The following BAZ2B variants were observed in gnomAD, a reference collection of about 807,000 sequenced individuals.
BAZ2B encodes bromodomain adjacent to zinc finger domain protein 2B.
BAZ2B carries 91 observed loss-of-function variants against 246.0 expected under a neutral mutation model. The observed-to-expected ratio is 0.37, with a 90% CI of 0.31 to 0.44. The LOEUF (loss-of-function observed/expected upper bound fraction) is 0.44. BAZ2B is among the 20% of genes least tolerant of loss of function. BAZ2B has a pLI of 1.00. For synonymous variants in BAZ2B, 855 were observed against 860.0 expected (o/e 0.99, Z 0.10); for missense variants, 2,332 against 2,533.7 (o/e 0.92, Z 1.71).
the BAZ2B span, among the ~76,000 whole-genome samples, chr2:159,687,633 C>T: frequency 4.7e-4 from 71 of 152,288 alleles, no homozygotes; most frequent in African/African-American, 1.4e-3. Flanking sequence ...TATCTATTTG[C>T]GCATTTGTAT....
chr2:159,343,944 G>A (rs1448937948), intron 31 of BAZ2B, among the ~76,000 whole-genome samples: 2 of 150,746 alleles, frequency 1.3e-5, no homozygotes, highest in Admixed American at 6.6e-5. Context: ...CAGAATGGCG[G>A]GAACCCGGGA....
intron 2 of BAZ2B, among the ~76,000 whole-genome samples, chr2:159,534,757 C>T (rs1193397965): frequency 6.6e-6 from 1 of 152,088 alleles, no homozygotes; most frequent in Non-Finnish European, 1.5e-5. Flanking sequence ...CAGGCATGCA[C>T]CTCTGCACCC....
At chr2:159,536,278 A>G (rs2085979030) in intron 2 of BAZ2B, 1 of 152,098 alleles carries the variant, frequency 6.6e-6, no homozygotes, top group Admixed American at 6.5e-5. Flanking sequence ...GGGAGTGGAG[A>G]AAAAAACAAA....
At chr2:159,633,906 A>T in the BAZ2B span, among the ~76,000 whole-genome samples, 1 of 151,888 alleles carries the variant, frequency 6.6e-6, no homozygotes, top group Non-Finnish European at 1.5e-5. Context: ...CATCCAGCTG[A>T]TTTTTGTATA....
At chr2:159,442,483 T>C (rs972328295) in intron 6 of BAZ2B, among the ~76,000 whole-genome samples, 64 of 152,206 alleles carry the variant, frequency 4.2e-4, no homozygotes, top group African/African-American at 1.4e-3. Context: ...ATTTGATGTA[T>C]ACTTCCCCCT....
chr2:159,399,537 G>C (rs1415095166), intron 17 of BAZ2B, among the ~76,000 whole-genome samples: 1 of 151,814 alleles, frequency 6.6e-6, no homozygotes, highest in Non-Finnish European at 1.5e-5. Flanking sequence ...AATCTATTGA[G>C]ACCATGCTAT....
the BAZ2B span, among the ~76,000 whole-genome samples, chr2:159,625,414 G>A: frequency 6.6e-6 from 1 of 152,180 alleles, no homozygotes; most frequent in African/African-American, 2.4e-5. Flanking sequence ...AAAATGTTAA[G>A]GGCAGCCAGA....
In BAZ2B at chr2:159,433,137, A is replaced by G; in HGVS notation, c.1520T>C (p.Leu507Pro). 6.2e-7 allele frequency: 1 copy of G among 1,614,188 alleles called. No homozygotes were observed. The highest frequency in any genetic ancestry group is 8.5e-7 in the Non-Finnish European group (1 of 1,180,016). Residue 507 changes from leucine to proline, a missense_variant, in exon 9 of 37, where the codon CTA becomes CCA. Physicochemically the swap from Leu to Pro is moderately conservative, Grantham distance 98. Around this residue, in one of 9 missense-constraint regions of BAZ2B, gnomAD observed 651 missense variants for 650.9 expected, o/e 1.00. Transcript: ENST00000392783. ...VIQSVIQEAPLALTTKTKMQS... is the reference protein window; with the variant it reads ...VIQSVIQEAPPALTTKTKMQS... ...CATTTTAGTTTTGGTAGTAAGTGCT[A>G]GAGGAGCTTCTTGAATGACACTTTG...
chr2:159,628,238 T>C, the BAZ2B span, among the ~76,000 whole-genome samples: 2 of 152,214 alleles, frequency 1.3e-5, no homozygotes, highest in Non-Finnish European at 2.9e-5. Context: ...AAAATGGCCA[T>C]ACTGCCCAAA....
At chr2:159,599,302 T>C (rs1467429559) in intron 1 of BAZ2B, among the ~76,000 whole-genome samples, 1 of 152,158 alleles carries the variant, frequency 6.6e-6, no homozygotes, top group African/African-American at 2.4e-5. Context: ...GATCACTTTC[T>C]GGCAGGCCAC....
chr2:159,521,485 C>T (rs759518667), intron 2 of BAZ2B, among the ~76,000 whole-genome samples: 7 of 151,996 alleles, frequency 4.6e-5, no homozygotes, highest in Non-Finnish European at 1.0e-4. Flanking sequence ...GAAGAACAGA[C>T]ATTGCATAAC....
chr2:159,381,142 C>T (rs2149491059), intron 25 of BAZ2B, among the ~76,000 whole-genome samples: 1 of 152,182 alleles, frequency 6.6e-6, no homozygotes, highest in East Asian at 1.9e-4. Context: ...TTCACTAAAC[C>T]AATCCCCCTC....
At chr2:159,640,338 A>G in the BAZ2B span, among the ~76,000 whole-genome samples, 1 of 152,148 alleles carries the variant, frequency 6.6e-6, no homozygotes, top group Admixed American at 6.5e-5. Context: ...TCTGCTATAC[A>G]CAAAAAATGG....
chr2:159,400,580 T>C lies in BAZ2B; in HGVS notation c.2898+19A>G. 6.9e-7 allele frequency: 1 copy of C among 1,454,122 alleles called. No homozygotes were observed. The highest frequency in any genetic ancestry group is 9.5e-7 in the Non-Finnish European group (1 of 1,054,860). The allele number at this position is 1,454,122 out of a possible 1,614,324, so 90.1% of individuals were successfully genotyped here. A position where few individuals can be genotyped will look rare whatever the true frequency, so the allele number is the denominator to read the frequency against. On this transcript the variant is annotated intron_variant, in intron 17 of 36. Coordinates refer to ENST00000392783, the MANE Select transcript of BAZ2B (RefSeq NM_013450.4). Reference sequence around the variant, plus strand: ...ATATGGCTAAATTACTTTAATTATATTAAATTTAAGACTTCTACCTCTAGA... The same window carrying C: ...ATATGGCTAAATTACTTTAATTATACTAAATTTAAGACTTCTACCTCTAGA...
At chr2:159,650,937 C>T in the BAZ2B span, among the ~76,000 whole-genome samples, 57 of 152,280 alleles carry the variant, frequency 3.7e-4, no homozygotes, top group African/African-American at 1.2e-3. Flanking sequence ...TCACATATTC[C>T]TATTATTTCA....
At chr2:159,382,536 A>G (rs1343512715) in intron 25 of BAZ2B, 23 bp downstream of exon 25, 1 of 1,544,098 alleles carries the variant, frequency 6.5e-7, no homozygotes, top group East Asian at 2.4e-5. Context: ...TAGTTGTCTT[A>G]AAATCAACCT....
At chr2:159,344,240 T>C (rs964513917) in intron 31 of BAZ2B, among the ~76,000 whole-genome samples, 10 of 151,630 alleles carry the variant, frequency 6.6e-5, no homozygotes, top group Admixed American at 3.3e-4. Context: ...AAAATTGTCG[T>C]ATTGAAAAGA....
chr2:159,443,046 C>T (rs189997294), intron 6 of BAZ2B, among the ~76,000 whole-genome samples: 2 of 152,160 alleles, frequency 1.3e-5, no homozygotes, highest in African/African-American at 4.8e-5. Context: ...GTGGTATATA[C>T]CCAGAAGTAG....
the BAZ2B span, among the ~76,000 whole-genome samples, chr2:159,655,502 AGT>A: frequency 3.3e-5 from 5 of 152,018 alleles, no homozygotes; most frequent in Non-Finnish European, 5.9e-5. Context: ...GTGGTCCTTT[AGT>A]GTTTTTCCTT....
Sources: gnomAD v4.1 joint callset for allele counts (sites outside exome capture counted in the v4.1 genomes callset) on GRCh38, gnomAD v4.1.1 for gene constraint, gnomAD v4.1.1 regional missense constraint, MANE v1.5 for transcripts, NCBI Gene and HGNC (gene_info 2026-07-23, HGNC 2026-07-21) for gene names.